ZFYVE26: variants seen among roughly 807,000 people sequenced by gnomAD.
ZFYVE26 encodes the protein zinc finger FYVE-type containing 26.
ZFYVE26 carries 181 observed loss-of-function variants against 276.5 expected under a neutral mutation model. The ratio of observed to expected loss-of-function variants is 0.65; its 90% CI spans 0.58 to 0.74. The LOEUF is 0.74. ZFYVE26 is among the 30% of genes least tolerant of loss of function. The pLI, the probability that ZFYVE26 is intolerant of heterozygous loss-of-function variation, is 0.00. For missense variants in ZFYVE26, 2,821 were observed against 3,097.9 expected (o/e 0.91, Z 2.12); for synonymous variants, 1,129 against 1,203.1 (o/e 0.94, Z 1.27).
chr14:67,778,363 A>G, intron 23 of ZFYVE26, 115 bp from the exon 24 acceptor site: 1 of 1,324,764 alleles, frequency 7.5e-7, no homozygotes. Flanking sequence ...GAACTTCACT[A>G]TGATGAAAAT....
At chr14:67,771,444 T>C (rs1406881720) in intron 28 of ZFYVE26, among the ~76,000 whole-genome samples, 1 of 152,228 alleles carries the variant, frequency 6.6e-6, no homozygotes, top group Non-Finnish European at 1.5e-5. Context: ...ACACCTCTTT[T>C]ATAGATGAGG....
intron 10 of ZFYVE26, chr14:67,798,899 C>T: frequency 1.1e-6 from 1 of 925,322 alleles, no homozygotes; most frequent in Non-Finnish European, 1.6e-6. Flanking sequence ...CCAGGCCCCG[C>T]CCCCGGGGAG....
chr14:67,779,811 T>G (rs929848301), intron 23 of ZFYVE26, among the ~76,000 whole-genome samples: 1 of 152,224 alleles, frequency 6.6e-6, no homozygotes, highest in Non-Finnish European at 1.5e-5. Context: ...GTCAATTGTA[T>G]TAGTCTCTAT....
At position 67,806,626 on chromosome 14, in the gene ZFYVE26, G is replaced by A. The variant is rs372840711; in HGVS notation, c.936C>T (p.Ser312=). The change falls in exon 6 of 42, where the codon TCC becomes TCT. Residue 312 remains serine, a synonymous_variant. Transcript: ENST00000347230. ...TCCAAGCCTCGGCTGGGTTGGGATT[G>A]GAGAACAGGGCTAGCATTGCCCGCT... ...DPERAMLALF[S]NPNPAEAWKV... is the part of the protein sequence containing the mutation. 1.2e-5 allele frequency: 19 copies of A among 1,614,198 alleles called. No individual in the cohort carries two copies. Among genetic ancestry groups the A allele is most frequent in the Admixed American group, 1.7e-5 (1 of 60,024 alleles).
At chr14:67,811,044 A>C (rs1224738998) in intron 3 of ZFYVE26, among the ~76,000 whole-genome samples, 2 of 152,140 alleles carry the variant, frequency 1.3e-5, no homozygotes, top group Non-Finnish European at 2.9e-5. Context: ...GTACTTCCCT[A>C]ATATGTGCAT....
At chr14:67,798,948 T>G in intron 10 of ZFYVE26, 2 of 1,128,662 alleles carry the variant, frequency 1.8e-6, no homozygotes, top group South Asian at 2.5e-5. Context: ...TCTTTATTTC[T>G]CGCGCCGCGG....
At chr14:67,767,636 G>A (rs2039092162) in intron 31 of ZFYVE26, 68 bp downstream of exon 31, 1 of 1,606,686 alleles carries the variant, frequency 6.2e-7, no homozygotes, top group Non-Finnish European at 8.5e-7. Flanking sequence ...ACCTACCTCT[G>A]TATTTCTTGT....
At chr14:67,749,248 G>GT (rs1195968885) in intron 41 of ZFYVE26, among the ~76,000 whole-genome samples, 2 of 152,018 alleles carry the variant, frequency 1.3e-5, no homozygotes, top group African/African-American at 4.8e-5. Flanking sequence ...TGAATCTAAA[G>GT]TTTTTTTTAT....
At chr14:67,799,650 G>C (rs1397134502) in intron 10 of ZFYVE26, 3 of 1,324,128 alleles carry the variant, frequency 2.3e-6, no homozygotes, top group Admixed American at 3.4e-5. Flanking sequence ...GTAAATTGAT[G>C]CCATGGTAGG....
In ZFYVE26 at chr14:67,762,278, C is replaced by A. The variant is rs2038952342; in HGVS notation, c.6294G>T (p.Gln2098His). 2 of 1,614,156 alleles carry A rather than the reference C, an allele frequency of 1.2e-6. No individual in the cohort carries two copies. Among genetic ancestry groups the A allele is most frequent in the African/African-American group, 2.7e-5 (2 of 75,018 alleles). ...GCACCAGCCTTGAGCCATGATTCAG[C>A]TGATTGAGGTCAAATGGGGGCTTCA... ...RCLKPPFDLN[Q>H]LNHGSRLVQD... Residue 2098 changes from glutamine to histidine, a missense_variant, in exon 34 of 42, where the codon CAG becomes CAT. Transcript: ENST00000347230.
rs1320606432 is a variant in ZFYVE26 at position 67,748,498 on chromosome 14, A to T, written c.7558T>A (p.Cys2520Ser). The T allele has an allele frequency of 5.0e-6, 8 of 1,613,706 alleles. No individual in the cohort carries two copies. The highest frequency in any genetic ancestry group is 6.8e-6 in the Non-Finnish European group (8 of 1,179,944). Residue 2520 changes from cysteine to serine, a missense_variant, in exon 42 of 42, where the codon TGT (cysteine) becomes AGT (serine). Coordinates refer to ENST00000347230, the MANE Select transcript of ZFYVE26 (RefSeq NM_015346.4). ...TGGCTTGTCAGAAGCCACTGGGCAC[A>T]GATGTCTTGCACTACTGCATCCCCG... Reference protein sequence around the residue: ...SSGDAVVQDICAQWLLTSHPR... With the variant: ...SSGDAVVQDISAQWLLTSHPR...
At chr14:67,780,536 C>G (rs1220556582) in intron 22 of ZFYVE26, among the ~76,000 whole-genome samples, 191 bp from the exon 23 acceptor site, 3 of 152,284 alleles carry the variant, frequency 2.0e-5, no homozygotes, top group South Asian at 4.1e-4. Context: ...CCAGGAAGAA[C>G]AAGCAGGGAG....
intron 21 of ZFYVE26, among the ~76,000 whole-genome samples, chr14:67,781,765 C>T (rs963561692): frequency 2.0e-5 from 3 of 151,854 alleles, no homozygotes; most frequent in African/African-American, 4.8e-5. Flanking sequence ...AGCCATGAGA[C>T]TTTCAGAAGG....
intron 35 of ZFYVE26, among the ~76,000 whole-genome samples, chr14:67,759,588 C>T (rs532868685): frequency 5.5e-4 from 78 of 141,486 alleles, no homozygotes; most frequent in African/African-American, 1.9e-3. Context: ...CTCACCACCG[C>T]GCTCCAGCCT....
chr14:67,814,593 CCTTAA>C (rs2040365453), intron 2 of ZFYVE26, among the ~76,000 whole-genome samples: 2 of 152,166 alleles, frequency 1.3e-5, no homozygotes, highest in South Asian at 4.2e-4. Flanking sequence ...TCATAAAAAG[CCTTAA>C]TCTCACCTCC....
At position 67,813,997 on chromosome 14, in the gene ZFYVE26, C is replaced by A; in HGVS notation, c.262G>T (p.Ala88Ser). ...VWLLVLEKWL[A>S]REKKLLPVVF... Reference sequence around the variant, plus strand: ...ATAAACCTACTTACCTTTTCCCGGGCCAACCATTTCTCCAGTACAAGAAGC... The same window carrying A: ...ATAAACCTACTTACCTTTTCCCGGGACAACCATTTCTCCAGTACAAGAAGC... The change falls in exon 3 of 42, where the codon GCC (alanine) becomes TCC (serine). Residue 88 changes from alanine (A) to serine (S), a missense_variant. Physicochemically the swap from Ala to Ser is moderately conservative, Grantham distance 99. Coordinates refer to ENST00000347230, the MANE Select transcript of ZFYVE26 (RefSeq NM_015346.4). 2.5e-6 allele frequency: 4 copies of A among 1,613,640 alleles called. No homozygotes were observed. Among genetic ancestry groups the A allele is most frequent in the Non-Finnish European group, 3.4e-6 (4 of 1,179,668 alleles).
chr14:67,770,765 T>C (rs2039189071), intron 28 of ZFYVE26, among the ~76,000 whole-genome samples: 1 of 152,172 alleles, frequency 6.6e-6, no homozygotes. Flanking sequence ...ATTTAAAGAT[T>C]AGAAACTCTT....
chr14:67,781,589 C>T (rs903741479), intron 21 of ZFYVE26, 60 bp from the exon 22 acceptor site: 1 of 1,505,016 alleles, frequency 6.6e-7, no homozygotes, highest in African/African-American at 1.4e-5. Flanking sequence ...GTTCAAGAGT[C>T]CAGGTTACTT....
intron 32 of ZFYVE26, among the ~76,000 whole-genome samples, chr14:67,763,734 A>G (rs768250927): frequency 2.5e-4 from 38 of 152,256 alleles, no homozygotes; most frequent in Non-Finnish European, 4.0e-4. Context: ...CCCAAGTAAA[A>G]GGGCTTAGGA....
Sources: gnomAD v4.1 joint callset for allele counts (sites outside exome capture counted in the v4.1 genomes callset) on GRCh38, gnomAD v4.1.1 for gene constraint, MANE v1.5 for transcripts, NCBI Gene and HGNC (gene_info 2026-07-23, HGNC 2026-07-21) for gene names.